Variants in PLEKHM3 observed in about 807,000 individuals in gnomAD.
PLEKHM3 encodes the protein pleckstrin homology domain-containing family M member 3.
A neutral mutation model predicts 81.8 loss-of-function variants in PLEKHM3; 45 were observed. The observed-to-expected ratio is 0.55, with a 90% confidence interval of 0.43 to 0.71. The LOEUF is 0.71. PLEKHM3 is among the 30% of genes least tolerant of loss of function. The pLI is 0.00. For missense variants in PLEKHM3, 788 were observed against 924.3 expected (o/e 0.85, Z 1.91); for synonymous variants, 352 against 356.4 (o/e 0.99, Z 0.14).
At chr2:207,917,702 A>G (rs976117290) in intron 5 of PLEKHM3, among the ~76,000 whole-genome samples, 1 of 152,084 alleles carries the variant, frequency 6.6e-6, no homozygotes, top group African/African-American at 2.4e-5. Context: ...AAAAAAATTA[A>G]GTGGGCATGA....
chr2:207,850,996 T>C (rs962555542), intron 7 of PLEKHM3, among the ~76,000 whole-genome samples: 36 of 151,920 alleles, frequency 2.4e-4, no homozygotes, highest in African/African-American at 8.7e-4. Flanking sequence ...CTACTAAAAA[T>C]ACAAAAATTA....
At chr2:207,945,825 C>T (rs1297963327) in intron 4 of PLEKHM3, among the ~76,000 whole-genome samples, 1 of 151,642 alleles carries the variant, frequency 6.6e-6, no homozygotes, top group Non-Finnish European at 1.5e-5. Flanking sequence ...CACTTGAACC[C>T]AGGAAGTGGA....
intron 5 of PLEKHM3, 30 bp downstream of exon 5, chr2:207,930,896 C>T (rs751108288): frequency 6.2e-6 from 10 of 1,601,216 alleles, no homozygotes; most frequent in Non-Finnish European, 8.5e-6. Flanking sequence ...GAAAAACAAA[C>T]GGGAGCCGTC....
chr2:207,830,057 G>A (rs987111541), intron 7 of PLEKHM3, among the ~76,000 whole-genome samples: 3 of 152,140 alleles, frequency 2.0e-5, no homozygotes, highest in Non-Finnish European at 2.9e-5. Context: ...AAGTGTGTGT[G>A]TATGTGGGTG....
chr2:207,871,362 C>T (rs1417526756), intron 6 of PLEKHM3, among the ~76,000 whole-genome samples: 5 of 152,080 alleles, frequency 3.3e-5, no homozygotes, highest in Non-Finnish European at 5.9e-5. Flanking sequence ...GATTGTGATG[C>T]CACCAATTAG....
At chr2:207,883,204 T>C (rs1023629138) in intron 6 of PLEKHM3, among the ~76,000 whole-genome samples, 5 of 152,218 alleles carry the variant, frequency 3.3e-5, no homozygotes, top group Non-Finnish European at 7.3e-5. Context: ...GCTTTGTGAC[T>C]GTACTTTCCA....
intron 1 of PLEKHM3, among the ~76,000 whole-genome samples, chr2:208,023,692 C>T (rs1450046632): frequency 6.6e-6 from 1 of 151,944 alleles, no homozygotes; most frequent in African/African-American, 2.4e-5. Flanking sequence ...GTAACTATCA[C>T]CCCCCTACTC....
intron 5 of PLEKHM3, among the ~76,000 whole-genome samples, chr2:207,924,877 G>A (rs1382340352): frequency 6.6e-6 from 1 of 152,124 alleles, no homozygotes; most frequent in Non-Finnish European, 1.5e-5. Flanking sequence ...GAGGCATTGA[G>A]GGCAAGGAGA....
intron 6 of PLEKHM3, among the ~76,000 whole-genome samples, chr2:207,902,426 C>T (rs1399147378): frequency 2.6e-5 from 4 of 152,154 alleles, no homozygotes; most frequent in Non-Finnish European, 5.9e-5. Flanking sequence ...GTGATCTTAC[C>T]AGTTAGAAAA....
At chr2:207,872,542 C>T (rs1423699681) in intron 6 of PLEKHM3, among the ~76,000 whole-genome samples, 1 of 152,164 alleles carries the variant, frequency 6.6e-6, no homozygotes, top group Non-Finnish European at 1.5e-5. Context: ...TTATCATCAA[C>T]TTAAACCCGA....
chr2:207,894,872 C>T, intron 6 of PLEKHM3, among the ~76,000 whole-genome samples: 1 of 152,128 alleles, frequency 6.6e-6, no homozygotes, highest in East Asian at 1.9e-4. Context: ...AGCTGGACGA[C>T]TTTGTGCCAG....
intron 5 of PLEKHM3, among the ~76,000 whole-genome samples, chr2:207,909,015 T>C (rs781055254): frequency 1.3e-5 from 2 of 152,196 alleles, no homozygotes; most frequent in Non-Finnish European, 2.9e-5. Flanking sequence ...TATCTAAATA[T>C]ATTGATCTTG....
At chr2:207,922,766 C>T (rs910604006) in intron 5 of PLEKHM3, among the ~76,000 whole-genome samples, 5 of 151,550 alleles carry the variant, frequency 3.3e-5, no homozygotes, top group African/African-American at 4.8e-5. Context: ...GAGCAGAGAT[C>T]GTGCCACTGC....
Position 207,961,521 on chromosome 2 carries a change from C to T in PLEKHM3, c.1547-15009G>A, listed in dbSNP as rs573801015. On this transcript the variant is annotated intron_variant, in intron 3 of 7. Coordinates refer to ENST00000427836, the MANE Select transcript of PLEKHM3 (RefSeq NM_001080475.3). ...TTCTGGAAGTGGTATATGGTAAGTACGACATTTTTTTTCAGTTAAAGGTAA... is the reference window on the plus strand; with the variant it reads ...TTCTGGAAGTGGTATATGGTAAGTATGACATTTTTTTTCAGTTAAAGGTAA... Among the ~76,000 whole-genome samples, 22 of 152,154 alleles carry T rather than the reference C, an allele frequency of 1.4e-4. No homozygotes were observed. The South Asian group carries it at 1.5e-3, about 10-fold the overall frequency.
intron 1 of PLEKHM3, among the ~76,000 whole-genome samples, chr2:208,017,384 TG>T (rs1441115032): frequency 3.3e-5 from 5 of 152,028 alleles, no homozygotes; most frequent in African/African-American, 7.2e-5. Context: ...GTGGAGGGAG[TG>T]GCGACAGAGT....
Position 207,865,803 on chromosome 2 carries a change from GATATATATATATATATAT to G in PLEKHM3, c.1951-4559_1951-4542del, listed in dbSNP as rs71036961. On this transcript the variant is annotated intron_variant, in intron 6 of 7. Coordinates refer to ENST00000427836, the MANE Select transcript of PLEKHM3 (RefSeq NM_001080475.3). ...ACTCAAAAAAAAAAAAAAAAAAAAA[GATATATATATATATATAT>G]ATATATATATATATATACTTTCTGT... 5.7e-3 allele frequency among the ~76,000 whole-genome samples: 167 copies of G among 29,420 alleles called. 10 individuals carry two copies. Among genetic ancestry groups the G allele is most frequent in the Non-Finnish European group, 8.2e-3 (137 of 16,782 alleles). The allele number at this position is 29,420 out of a possible 152,430, so 19.3% of individuals were successfully genotyped here.
intron 6 of PLEKHM3, among the ~76,000 whole-genome samples, chr2:207,889,955 C>A (rs1259863997): frequency 6.6e-6 from 1 of 152,092 alleles, no homozygotes; most frequent in African/African-American, 2.4e-5. Flanking sequence ...AGTGGCCTAC[C>A]ACCACACCTG....
At chr2:208,000,025 T>C (rs1692243815) in intron 2 of PLEKHM3, among the ~76,000 whole-genome samples, 1 of 152,210 alleles carries the variant, frequency 6.6e-6, no homozygotes, top group Admixed American at 6.5e-5. Flanking sequence ...CCTGTATAAA[T>C]GAGCTTATCT....
At chr2:207,858,134 ATATGTG>A (rs2092445677) in intron 7 of PLEKHM3, among the ~76,000 whole-genome samples, 2 of 120,486 alleles carry the variant, frequency 1.7e-5, no homozygotes, top group South Asian at 2.6e-4. Context: ...TTTCATATAG[ATATGTG>A]TGTGTGTGTG....
Sources: gnomAD v4.1 joint callset for allele counts (sites outside exome capture counted in the v4.1 genomes callset) on GRCh38, gnomAD v4.1.1 for gene constraint, MANE v1.5 for transcripts, NCBI Gene and HGNC (gene_info 2026-07-23, HGNC 2026-07-21) for gene names.